Variants in TBCK observed in about 807,000 individuals in gnomAD.
The protein encoded by TBCK is TBC domain-containing protein kinase-like protein.
In TBCK, 99 loss-of-function variants were observed where a neutral mutation model predicts 113.4. That is an observed-to-expected ratio of 0.87 (90% CI 0.74 to 1.03). The LOEUF (loss-of-function observed/expected upper bound fraction) is 1.03. Ranked by LOEUF, TBCK falls within the 50% of genes least tolerant of loss-of-function variation. The pLI, the probability that TBCK is intolerant of heterozygous loss-of-function variation, is 0.00. For synonymous variants in TBCK, 369 were observed against 370.8 expected (o/e 1.00, Z 0.05); for missense variants, 1,045 against 1,061.3 (o/e 0.98, Z 0.21).
At chr4:106,086,073 C>T (rs118095205) in intron 25 of TBCK, among the ~76,000 whole-genome samples, 2,178 of 151,798 alleles carry the variant, frequency 0.014, 102 homozygotes, top group East Asian at 0.14. Context: ...CAAAAGCTAG[C>T]AGAAGACAAG....
chr4:106,314,848 C>T (rs901450600), intron 1 of TBCK, among the ~76,000 whole-genome samples: 25 of 151,914 alleles, frequency 1.6e-4, no homozygotes, highest in Admixed American at 9.8e-4. Flanking sequence ...TGGTCTTGAA[C>T]TCCTGACCTC....
intron 23 of TBCK, among the ~76,000 whole-genome samples, chr4:106,127,953 A>C (rs1255997563): frequency 6.6e-6 from 1 of 151,574 alleles, no homozygotes; most frequent in Non-Finnish European, 1.5e-5. Flanking sequence ...ATAGCACTAC[A>C]CACACACACA....
intron 11 of TBCK, among the ~76,000 whole-genome samples, chr4:106,243,656 A>G (rs1257429437): frequency 2.0e-5 from 3 of 147,752 alleles, no homozygotes; most frequent in African/African-American, 7.3e-5. Flanking sequence ...GTTGCCTACA[A>G]TAATCAAAAC....
chr4:106,224,591 G>A (rs899001580), intron 19 of TBCK, among the ~76,000 whole-genome samples: 2 of 152,044 alleles, frequency 1.3e-5, no homozygotes, highest in African/African-American at 4.8e-5. Flanking sequence ...ACTAATAAGA[G>A]CTATTTCTAA....
chr4:106,289,767 C>CA (rs574557805), intron 3 of TBCK, among the ~76,000 whole-genome samples: 1,527 of 65,016 alleles, frequency 0.023, 9 homozygotes, highest in African/African-American at 0.046. Context: ...GACTCTGTCT[C>CA]AAAAAAAAAA....
chr4:106,290,138 T>C (rs1316775478), intron 3 of TBCK, among the ~76,000 whole-genome samples: 1 of 152,156 alleles, frequency 6.6e-6, no homozygotes, highest in Non-Finnish European at 1.5e-5. Context: ...AGCAGGAGAC[T>C]GTAAATTTGA....
chr4:106,220,110 A>G (rs1757499014), intron 19 of TBCK, among the ~76,000 whole-genome samples: 1 of 152,154 alleles, frequency 6.6e-6, no homozygotes. Context: ...AATTTTATAG[A>G]TAACATGGTT....
chr4:106,306,418 T>C (rs1767533948), intron 2 of TBCK, among the ~76,000 whole-genome samples: 1 of 152,018 alleles, frequency 6.6e-6, no homozygotes, highest in Non-Finnish European at 1.5e-5. Context: ...AACATTCTCT[T>C]CTTTGTACTT....
chr4:106,309,248 T>G (rs1374179378), intron 1 of TBCK, among the ~76,000 whole-genome samples: 1 of 151,934 alleles, frequency 6.6e-6, no homozygotes, highest in Non-Finnish European at 1.5e-5. Flanking sequence ...CATTTGACAG[T>G]TTAAAGAGTA....
At chr4:106,218,310 C>G (rs935147943) in intron 19 of TBCK, among the ~76,000 whole-genome samples, 18 of 150,852 alleles carry the variant, frequency 1.2e-4, no homozygotes, top group Admixed American at 1.2e-3. Context: ...TACGCATGGG[C>G]AAGGACTTCA....
intron 19 of TBCK, among the ~76,000 whole-genome samples, chr4:106,220,387 TG>T (rs900218712): frequency 1.3e-5 from 2 of 152,212 alleles, no homozygotes; most frequent in Admixed American, 6.5e-5. Context: ...CATGTGGAAA[TG>T]TAAGTCCAAT....
rs1740795576 is a variant in TBCK, at chr4:106,095,510, A to G, written c.2543T>C (p.Val848Ala). 6.2e-7 allele frequency: 1 copy of G among 1,614,024 alleles called. No individual in the cohort carries two copies. Among genetic ancestry groups the G allele is most frequent in the African/African-American group, 1.3e-5 (1 of 75,044 alleles). ...AGCTGTGTGTTTTGCCACATGCCCC[A>G]CGATGACAATGACCTTCCCTTTGAA... Reference protein sequence around the residue: ...QNFKGKVIVIVGHVAKHTAEF... With the variant: ...QNFKGKVIVIAGHVAKHTAEF... Residue 848 changes from valine (V) to alanine (A), a missense_variant, in exon 25 of 26, where the codon GTG becomes GCG. By Grantham distance (64) the Val-to-Ala change is moderately conservative. Coordinates refer to ENST00000394708, the MANE Select transcript of TBCK (RefSeq NM_001163435.3).
chr4:106,275,519 G>C (rs1354591761), intron 3 of TBCK, among the ~76,000 whole-genome samples: 1 of 151,974 alleles, frequency 6.6e-6, no homozygotes, highest in Non-Finnish European at 1.5e-5. Flanking sequence ...TGTTTATGTA[G>C]AAAATCCTAA....
chr4:106,230,561 A>AT (rs1758749194), intron 18 of TBCK, 115 bp from the exon 19 acceptor site: 2 of 475,422 alleles, frequency 4.2e-6, no homozygotes, highest in Middle Eastern at 3.6e-4. Flanking sequence ...AACAGTTATG[A>AT]TAGCCAAGTG....
intron 25 of TBCK, among the ~76,000 whole-genome samples, chr4:106,049,419 C>G (rs1415002009): frequency 1.3e-5 from 2 of 151,952 alleles, no homozygotes; most frequent in Non-Finnish European, 2.9e-5. Flanking sequence ...ATTACTGACT[C>G]TTAAAGGGAA....
chr4:106,098,681 T>C (rs77883303), intron 24 of TBCK, among the ~76,000 whole-genome samples: 355 of 152,194 alleles, frequency 2.3e-3, no homozygotes, highest in Non-Finnish European at 4.3e-3. Flanking sequence ...TAGCAGTCAC[T>C]TTACCACGTG....
chr4:106,189,570 G>C (rs990555912), intron 22 of TBCK, among the ~76,000 whole-genome samples: 2 of 151,926 alleles, frequency 1.3e-5, no homozygotes, highest in Admixed American at 6.6e-5. Context: ...GAGAAAAAAT[G>C]ATGGATAACT....
chr4:106,239,032 G>A (rs1385212235), intron 12 of TBCK, among the ~76,000 whole-genome samples: 1 of 152,050 alleles, frequency 6.6e-6, no homozygotes, highest in Non-Finnish European at 1.5e-5. Context: ...TGCAGGGGGA[G>A]GTGGAAAGTA....
chr4:106,143,588 T>C (rs1747388616), intron 23 of TBCK, among the ~76,000 whole-genome samples: 1 of 152,022 alleles, frequency 6.6e-6, no homozygotes, highest in Non-Finnish European at 1.5e-5. Context: ...AATATTTAGG[T>C]TGGTGCAAGA....
Sources: allele counts gnomAD v4.1 joint callset (sites outside exome capture counted in the v4.1 genomes callset), GRCh38; gene constraint gnomAD v4.1.1; transcripts MANE v1.5; gene names NCBI Gene and HGNC (gene_info 2026-07-23, HGNC 2026-07-21).